Variants in SPRYD7 observed in about 807,000 individuals in gnomAD.
The protein encoded by SPRYD7 is SPRY domain-containing protein 7.
In SPRYD7, 14 loss-of-function variants were observed where a neutral mutation model predicts 23.8. That is an observed-to-expected ratio of 0.59 (90% CI 0.39 to 0.92). SPRYD7 has a LOEUF of 0.92. Among genes scored for constraint, SPRYD7 ranks in the 40% least tolerant of loss-of-function variants. The probability of loss-of-function intolerance (pLI) is 0.00; values close to 1 mark genes in which losing one functional copy is unlikely to be tolerated. For missense variants in SPRYD7, 194 were observed against 241.7 expected (o/e 0.80, Z 1.31); for synonymous variants, 75 against 84.9 (o/e 0.88, Z 0.64).
intron 1 of SPRYD7, among the ~76,000 whole-genome samples, 186 bp from the exon 2 acceptor site, chr13:49,931,320 C>A (rs1032385803): frequency 2.7e-4 from 41 of 152,140 alleles, no homozygotes; most frequent in African/African-American, 9.9e-4. Context: ...GCTGGGACTA[C>A]AGGTGTGCAC....
chr13:49,924,328 T>C (rs1955854664), intron 3 of SPRYD7, among the ~76,000 whole-genome samples: 1 of 151,866 alleles, frequency 6.6e-6, no homozygotes, highest in South Asian at 2.1e-4. Context: ...TTGGGTGGAG[T>C]GCAGCGGCAG....
At chr13:49,924,486 T>C (rs1177656867) in intron 3 of SPRYD7, among the ~76,000 whole-genome samples, 2 of 151,950 alleles carry the variant, frequency 1.3e-5, no homozygotes, top group Non-Finnish European at 2.9e-5. Flanking sequence ...GTTTGTTTGT[T>C]TGTAGAGATG....
intron 1 of SPRYD7, among the ~76,000 whole-genome samples, chr13:49,932,072 CTTAAT>C (rs1236501173): frequency 6.6e-6 from 1 of 152,138 alleles, no homozygotes; most frequent in Non-Finnish European, 1.5e-5. Context: ...TCATAAATTT[CTTAAT>C]TTAAACCAAA....
At chr13:49,926,648 G>A (rs1490081865) in intron 3 of SPRYD7, among the ~76,000 whole-genome samples, 4 of 152,206 alleles carry the variant, frequency 2.6e-5, no homozygotes, top group Admixed American at 6.5e-5. Context: ...AGATCAGGCC[G>A]TAATTAAAAA....
chr13:49,931,146 A>T lies in SPRYD7; in HGVS notation c.107-12T>A. ...AACAACATCTGTTCCTAAACAAAAA[A>T]TGCAGACACTATGTAAAGTTTTGTA... On this transcript the variant is annotated splice_polypyrimidine_tract_variant and intron_variant, in intron 1 of 4. Transcript: ENST00000361840. The T allele has an allele frequency of 6.8e-6, 10 of 1,480,994 alleles. No homozygotes were observed. Among genetic ancestry groups the T allele is most frequent in the Non-Finnish European group, 9.4e-6 (10 of 1,068,064 alleles). 91.7% of individuals were successfully genotyped at this position (1,480,994 alleles called of 1,614,324 possible).
intron 1 of SPRYD7, 75 bp downstream of exon 1, chr13:49,936,055 T>G: frequency 1.2e-6 from 1 of 830,960 alleles, no homozygotes; most frequent in Non-Finnish European, 1.7e-6. Flanking sequence ...GGGGACCCTC[T>G]GACCCTGAAG....
At chr13:49,925,623 A>G (rs536167872) in intron 3 of SPRYD7, among the ~76,000 whole-genome samples, 1 of 152,094 alleles carries the variant, frequency 6.6e-6, no homozygotes, top group South Asian at 2.1e-4. Flanking sequence ...CATCCTGGCT[A>G]ACACAGTGAA....
At chr13:49,921,402 G>T in intron 4 of SPRYD7, 76 bp downstream of exon 4, 1 of 926,628 alleles carries the variant, frequency 1.1e-6, no homozygotes, top group African/African-American at 1.6e-5. Context: ...CTTTATAGCA[G>T]CATGAAAACA....
chr13:49,930,774 A>G (rs555814150), intron 2 of SPRYD7, among the ~76,000 whole-genome samples: 1 of 152,210 alleles, frequency 6.6e-6, no homozygotes, highest in East Asian at 1.9e-4. Context: ...ACTTTCATAC[A>G]TAGAGTTCCT....
intron 3 of SPRYD7, among the ~76,000 whole-genome samples, chr13:49,923,333 TC>T (rs1955841206): frequency 6.6e-6 from 1 of 152,070 alleles, no homozygotes; most frequent in Admixed American, 6.6e-5. Context: ...AACCTCCACT[TC>T]CCAGGTTCAG....
At chr13:49,925,592 A>G (rs1323469154) in intron 3 of SPRYD7, among the ~76,000 whole-genome samples, 2 of 152,006 alleles carry the variant, frequency 1.3e-5, no homozygotes, top group Non-Finnish European at 2.9e-5. Flanking sequence ...TGGGCAGATC[A>G]TGAGGTCAGG....
At chr13:49,931,715 G>C (rs28733171) in intron 1 of SPRYD7, among the ~76,000 whole-genome samples, 1 of 152,160 alleles carries the variant, frequency 6.6e-6, no homozygotes, top group Non-Finnish European at 1.5e-5. Flanking sequence ...TTGGGAGGCC[G>C]AGGTGGGCAG....
intron 4 of SPRYD7, among the ~76,000 whole-genome samples, chr13:49,920,101 C>G (rs535017325): frequency 6.6e-6 from 1 of 151,808 alleles, no homozygotes; most frequent in East Asian, 1.9e-4. Flanking sequence ...TGGTTCATGC[C>G]TGTAATCCCA....
chr13:49,931,865 T>C (rs1407932513), intron 1 of SPRYD7, among the ~76,000 whole-genome samples: 5 of 152,186 alleles, frequency 3.3e-5, no homozygotes, highest in African/African-American at 1.2e-4. Flanking sequence ...GGAGGATCAC[T>C]TGAGCCTGGG....
intron 3 of SPRYD7, among the ~76,000 whole-genome samples, chr13:49,921,996 TAC>T (rs1955826652): frequency 6.6e-6 from 1 of 152,168 alleles, no homozygotes; most frequent in African/African-American, 2.4e-5. Context: ...TGTCAGGACT[TAC>T]TACCTGTCAC....
chr13:49,926,474 C>G (rs892938600), intron 3 of SPRYD7, among the ~76,000 whole-genome samples: 38 of 152,174 alleles, frequency 2.5e-4, no homozygotes, highest in African/African-American at 8.2e-4. Context: ...CAATGATCTA[C>G]AAATACAGAA....
At chr13:49,935,378 A>G (rs1871577942) in intron 1 of SPRYD7, among the ~76,000 whole-genome samples, 1 of 152,230 alleles carries the variant, frequency 6.6e-6, no homozygotes, top group South Asian at 2.1e-4. Flanking sequence ...CTACCTGGGA[A>G]AAGTCTAAGA....
chr13:49,932,900 C>G (rs1049453284), intron 1 of SPRYD7, among the ~76,000 whole-genome samples: 3 of 152,042 alleles, frequency 2.0e-5, no homozygotes, highest in African/African-American at 7.2e-5. Flanking sequence ...AGTTAACCCC[C>G]AAATTCTGGG....
Position 49,936,181 on chromosome 13 carries a change from G to A in SPRYD7, c.55C>T (p.His19Tyr), listed in dbSNP as rs1445970900. The A allele has an allele frequency of 1.9e-6, 3 of 1,610,008 alleles. No homozygotes were observed. The highest frequency in any genetic ancestry group is 2.5e-6 in the Non-Finnish European group (3 of 1,179,034). The change falls in exon 1 of 5, where the codon CAC becomes TAC. Residue 19 changes from histidine to tyrosine, a missense_variant. Transcript: ENST00000361840. ...LRCCRDGGTG[H>Y]IPLKEMPAVQ... ...GCCGGCATCTCCTTCAGAGGGATGT[G>A]GCCAGTCCCCCCGTCTCTGCAGCAC...
Sources: gnomAD v4.1 joint callset for allele counts (sites outside exome capture counted in the v4.1 genomes callset) on GRCh38, gnomAD v4.1.1 for gene constraint, MANE v1.5 for transcripts, NCBI Gene and HGNC (gene_info 2026-07-23, HGNC 2026-07-21) for gene names.